BICC1: variants seen among roughly 807,000 people sequenced by gnomAD.
The protein encoded by BICC1 is BicC family RNA binding protein 1, also known as protein bicaudal C homolog 1.
Under a neutral mutation model 111.0 loss-of-function variants are expected in BICC1, and 43 were observed. The ratio of observed to expected loss-of-function variants is 0.39; its 90% CI spans 0.30 to 0.50. The LOEUF (loss-of-function observed/expected upper bound fraction) is 0.50. BICC1 is among the 20% of genes least tolerant of loss of function. The pLI is 0.88. For synonymous variants in BICC1, 467 were observed against 434.4 expected, an observed-to-expected ratio of 1.07 and a Z score of -0.93; for missense variants, 1,091 against 1,203.2, an observed-to-expected ratio of 0.91 and a Z score of 1.38.
intron 2 of BICC1, among the ~76,000 whole-genome samples, chr10:58,630,412 A>T (rs1394515610): frequency 6.6e-6 from 1 of 152,116 alleles, no homozygotes; most frequent in Non-Finnish European, 1.5e-5. Context: ...GATGCATCTC[A>T]GGTTCTTTTC....
chr10:58,653,469 A>G (rs1838516581), intron 2 of BICC1, among the ~76,000 whole-genome samples: 1 of 152,186 alleles, frequency 6.6e-6, no homozygotes, highest in Non-Finnish European at 1.5e-5. Flanking sequence ...AGCCCATTTC[A>G]TAAGCATCAA....
Position 58,569,249 on chromosome 10 carries a change from T to A in BICC1, c.191-51606T>A, listed in dbSNP as rs191934986. 2.6e-5 allele frequency among the ~76,000 whole-genome samples: 4 copies of A among 152,300 alleles called. No homozygotes were observed. The East Asian group carries it at 7.7e-4, about 29-fold the overall frequency. The stretch of plus-strand genomic sequence containing the variant: ...CATTTGGAGATGGTATGACTCAATG[T>A]TCGTCTACAGTTTCCTGGAAGTTCT... On this transcript the variant is annotated intron_variant, in intron 1 of 20. Coordinates refer to ENST00000373886, the MANE Select transcript of BICC1 (RefSeq NM_001080512.3).
intron 2 of BICC1, among the ~76,000 whole-genome samples, chr10:58,686,854 C>T (rs1839746473): frequency 6.6e-6 from 1 of 152,232 alleles, no homozygotes; most frequent in Admixed American, 6.5e-5. Flanking sequence ...TACCAATCGT[C>T]TGAAGCCTTC....
chr10:58,540,306 A>G (rs979914105), intron 1 of BICC1, among the ~76,000 whole-genome samples: 3 of 45,728 alleles, frequency 6.6e-5, no homozygotes, highest in African/African-American at 1.5e-4. Context: ...AAAAAGAGTA[A>G]AAAAAAAAGG....
intron 4 of BICC1, 75 bp downstream of exon 4, chr10:58,785,155 A>G: frequency 9.8e-6 from 8 of 813,348 alleles, no homozygotes; most frequent in Non-Finnish European, 1.3e-5. Context: ...TTATGAAAGA[A>G]CCATTTGGAG....
chr10:58,579,986 T>C (rs1050121629), intron 1 of BICC1, among the ~76,000 whole-genome samples: 1 of 152,048 alleles, frequency 6.6e-6, no homozygotes, highest in Non-Finnish European at 1.5e-5. Flanking sequence ...TTTTTTTTAT[T>C]GTGTTTAAGA....
intron 1 of BICC1, among the ~76,000 whole-genome samples, chr10:58,610,567 T>C (rs111974638): frequency 6.6e-6 from 1 of 152,096 alleles, no homozygotes; most frequent in Non-Finnish European, 1.5e-5. Context: ...GGTTCAATTA[T>C]TGGCCCATCC....
intron 3 of BICC1, among the ~76,000 whole-genome samples, chr10:58,717,414 T>C (rs970288535): frequency 6.6e-5 from 10 of 152,148 alleles, no homozygotes; most frequent in Admixed American, 6.5e-4. Flanking sequence ...ACAAGTTGAG[T>C]GGCAAGCCTG....
intron 3 of BICC1, among the ~76,000 whole-genome samples, chr10:58,704,494 A>G (rs903832855): frequency 1.3e-5 from 2 of 152,192 alleles, no homozygotes; most frequent in Non-Finnish European, 2.9e-5. Flanking sequence ...CAGAGATGCA[A>G]TTTTTGGACC....
At chr10:58,715,788 A>G (rs1840720715) in intron 3 of BICC1, 7 of 1,426,612 alleles carry the variant, frequency 4.9e-6, no homozygotes, top group Non-Finnish European at 4.9e-6. Flanking sequence ...ACACAGGGAG[A>G]AATTGTTAAC....
intron 1 of BICC1, among the ~76,000 whole-genome samples, chr10:58,570,341 A>G (rs1038068779): frequency 6.6e-6 from 1 of 152,204 alleles, no homozygotes; most frequent in African/African-American, 2.4e-5. Context: ...ATTGAAATGC[A>G]TGCTGTTATG....
chr10:58,584,909 C>T (rs1212490376), intron 1 of BICC1, among the ~76,000 whole-genome samples: 1 of 151,598 alleles, frequency 6.6e-6, no homozygotes, highest in Non-Finnish European at 1.5e-5. Context: ...ATGATTATAA[C>T]CAATATTAAT....
intron 1 of BICC1, among the ~76,000 whole-genome samples, chr10:58,520,079 A>T (rs1258975515): frequency 6.6e-6 from 1 of 152,126 alleles, no homozygotes; most frequent in Non-Finnish European, 1.5e-5. Context: ...CGTTTTGGAG[A>T]CAGTTTGATA....
intron 1 of BICC1, among the ~76,000 whole-genome samples, chr10:58,577,043 GCT>G (rs1206810450): frequency 2.0e-5 from 3 of 152,138 alleles, no homozygotes; most frequent in Non-Finnish European, 1.5e-5. Context: ...GGCAGAGGGG[GCT>G]CTCAGAGACA....
At chr10:58,814,779 G>A (rs1404400644) in intron 18 of BICC1, among the ~76,000 whole-genome samples, 2 of 151,898 alleles carry the variant, frequency 1.3e-5, no homozygotes, top group Non-Finnish European at 2.9e-5. Context: ...CTGGGTGACA[G>A]AGCGAGACCC....
At chr10:58,683,936 C>T (rs924511164) in intron 2 of BICC1, among the ~76,000 whole-genome samples, 1 of 152,190 alleles carries the variant, frequency 6.6e-6, no homozygotes, top group African/African-American at 2.4e-5. Flanking sequence ...TGAGAGAGGG[C>T]ATCCCTGTCT....
chr10:58,730,378 C>A (rs1329529219), intron 3 of BICC1, among the ~76,000 whole-genome samples: 1 of 152,096 alleles, frequency 6.6e-6, no homozygotes, highest in Non-Finnish European at 1.5e-5. Context: ...GGGGTTTAGC[C>A]CCTGTGGCTA....
At chr10:58,554,902 A>G (rs1230312660) in intron 1 of BICC1, among the ~76,000 whole-genome samples, 3 of 149,912 alleles carry the variant, frequency 2.0e-5, no homozygotes, top group Non-Finnish European at 4.4e-5. Context: ...ATATTTTACT[A>G]TTTTATTTTC....
At chr10:58,679,648 A>G (rs1253358824) in intron 2 of BICC1, among the ~76,000 whole-genome samples, 1 of 152,232 alleles carries the variant, frequency 6.6e-6, no homozygotes, top group South Asian at 2.1e-4. Context: ...ACTATTCCAA[A>G]CAATGGAAAA....
Sources: allele counts gnomAD v4.1 joint callset (sites outside exome capture counted in the v4.1 genomes callset), GRCh38; gene constraint gnomAD v4.1.1; transcripts MANE v1.5; gene names NCBI Gene and HGNC (gene_info 2026-07-23, HGNC 2026-07-21).